TNR: variants seen among roughly 807,000 people sequenced by gnomAD.
TNR encodes tenascin R.
In TNR, 45 loss-of-function variants were observed where a neutral mutation model predicts 150.4. That is an observed-to-expected ratio of 0.30 (90% CI 0.24 to 0.38). The LOEUF (loss-of-function observed/expected upper bound fraction) is 0.38. TNR is among the 10% of genes least tolerant of loss of function. The probability of loss-of-function intolerance (pLI) is 1.00; values close to 1 mark genes in which losing one functional copy is unlikely to be tolerated. For missense variants in TNR, 1,544 were observed against 1,759.1 expected, an observed-to-expected ratio of 0.88 and a Z score of 2.19; for synonymous variants, 687 against 678.4, an observed-to-expected ratio of 1.01 and a Z score of -0.20.
chr1:175,496,660 G>A (rs1031612865), intron 2 of TNR, among the ~76,000 whole-genome samples: 1 of 152,112 alleles, frequency 6.6e-6, no homozygotes, highest in Admixed American at 6.5e-5. Flanking sequence ...CTATAAAATG[G>A]TCCTCATTTT....
chr1:175,522,383 T>C (rs1490677464), intron 2 of TNR, among the ~76,000 whole-genome samples: 2 of 152,100 alleles, frequency 1.3e-5, no homozygotes, highest in Non-Finnish European at 2.9e-5. Flanking sequence ...AATGACACAA[T>C]GGACTTTGGA....
chr1:175,674,424 C>G (rs929842127), intron 1 of TNR, among the ~76,000 whole-genome samples: 4 of 152,186 alleles, frequency 2.6e-5, no homozygotes, highest in Non-Finnish European at 4.4e-5. Flanking sequence ...TATATTTGAG[C>G]TGAAAAGCCT....
At chr1:175,528,040 A>G (rs1659916759) in intron 2 of TNR, among the ~76,000 whole-genome samples, 1 of 152,168 alleles carries the variant, frequency 6.6e-6, no homozygotes, top group Admixed American at 6.5e-5. Flanking sequence ...GCATTCAGAA[A>G]TATTTTATGA....
intron 9 of TNR, among the ~76,000 whole-genome samples, chr1:175,371,698 G>A (rs1652112994): frequency 6.6e-6 from 1 of 152,176 alleles, no homozygotes; most frequent in African/African-American, 2.4e-5. Flanking sequence ...AAGCACTACT[G>A]ATAGGGTATT....
chr1:175,730,509 G>A (rs1667609894), intron 1 of TNR, among the ~76,000 whole-genome samples: 2 of 152,168 alleles, frequency 1.3e-5, no homozygotes, highest in African/African-American at 4.8e-5. Context: ...TGAAATGACT[G>A]GCAGAGAGTA....
intron 1 of TNR, among the ~76,000 whole-genome samples, chr1:175,615,997 A>G (rs951531078): frequency 1.4e-4 from 21 of 152,364 alleles, no homozygotes; most frequent in Admixed American, 5.2e-4. Context: ...CCTAAAGTAC[A>G]TACCTAAAAT....
rs998119481 is a variant in TNR at position 175,599,295 on chromosome 1, T to C, written c.-164-70926A>G. ...CGGGTTTGCCCACCGCGAAGAGCAG[T>C]GGCGGAGACATCGCAGCAACGCTAA... On this transcript the variant is annotated intron_variant, in intron 1 of 22. Transcript: ENST00000367674. This position sits in a 1 kb window ranked among gnomAD's most constrained non-coding sequence, Gnocchi z 4.7. Among the ~76,000 whole-genome samples, 1 of 152,058 alleles carries C rather than the reference T, an allele frequency of 6.6e-6. No individual in the cohort carries two copies. The highest frequency in any genetic ancestry group is 1.5e-5 in the Non-Finnish European group (1 of 67,998).
intron 18 of TNR, among the ~76,000 whole-genome samples, chr1:175,348,491 A>C (rs1650903819): frequency 6.6e-6 from 1 of 152,214 alleles, no homozygotes; most frequent in Non-Finnish European, 1.5e-5. Flanking sequence ...AATGAAAACT[A>C]AGGAAAACTG....
intron 14 of TNR, among the ~76,000 whole-genome samples, chr1:175,361,604 G>T (rs1024641864): frequency 6.6e-6 from 1 of 152,184 alleles, no homozygotes; most frequent in East Asian, 1.9e-4. Context: ...CTGAGCTTCC[G>T]AGAACATCTA....
chr1:175,395,109 C>T (rs1263578652), intron 5 of TNR, among the ~76,000 whole-genome samples: 4 of 151,930 alleles, frequency 2.6e-5, no homozygotes, highest in Non-Finnish European at 4.4e-5. Flanking sequence ...GGCATATTAA[C>T]AGAGTCAGCA....
At chr1:175,671,560 G>T (rs1042912453) in intron 1 of TNR, among the ~76,000 whole-genome samples, 3 of 152,192 alleles carry the variant, frequency 2.0e-5, no homozygotes, top group African/African-American at 7.2e-5. Context: ...AAGGGCATAA[G>T]TTTGCTGGAT....
At position 175,369,058 on chromosome 1, in the gene TNR, G is replaced by A. The variant is rs553796055; in HGVS notation, c.1964-1761C>T. 2.1e-4 allele frequency among the ~76,000 whole-genome samples: 32 copies of A among 152,326 alleles called. 1 individual carries two copies. Among genetic ancestry groups the A allele is most frequent in the Middle Eastern group, 6.8e-3 (2 of 294 alleles). On this transcript the variant is annotated intron_variant, in intron 9 of 22. Transcript: ENST00000367674. Reference sequence around the variant, plus strand: ...GTGGTCAGTCTGAGTCCTTCCGGTAGGCTCTTTTTGGGGCTTTGTGTGGGC... The same window carrying A: ...GTGGTCAGTCTGAGTCCTTCCGGTAAGCTCTTTTTGGGGCTTTGTGTGGGC...
At chr1:175,559,482 G>C (rs1413528008) in intron 1 of TNR, among the ~76,000 whole-genome samples, 1 of 151,964 alleles carries the variant, frequency 6.6e-6, no homozygotes, top group African/African-American at 2.4e-5. Flanking sequence ...ATACTACCTA[G>C]CCCTCCCTTT....
At chr1:175,509,874 G>A (rs1659098953) in intron 2 of TNR, among the ~76,000 whole-genome samples, 1 of 152,090 alleles carries the variant, frequency 6.6e-6, no homozygotes, top group South Asian at 2.1e-4. Flanking sequence ...TTTCCAAATG[G>A]TGGAGACAGG....
At chr1:175,575,235 GC>G in intron 1 of TNR, among the ~76,000 whole-genome samples, 1 of 152,228 alleles carries the variant, frequency 6.6e-6, no homozygotes, top group Non-Finnish European at 1.5e-5. Flanking sequence ...ACTAAAATAA[GC>G]AGAGTCTGCC....
chr1:175,505,398 G>A (rs1229778425), intron 2 of TNR, among the ~76,000 whole-genome samples: 1 of 152,228 alleles, frequency 6.6e-6, no homozygotes, highest in East Asian at 1.9e-4. Flanking sequence ...CAGGGAGACC[G>A]CGCGCTAAGC....
At chr1:175,421,286 A>C (rs769239185) in intron 2 of TNR, among the ~76,000 whole-genome samples, 1 of 152,242 alleles carries the variant, frequency 6.6e-6, no homozygotes, top group Non-Finnish European at 1.5e-5. Flanking sequence ...TTTCCCTAGC[A>C]ACAACTCAAC....
chr1:175,500,045 T>C (rs1207403916), intron 2 of TNR, among the ~76,000 whole-genome samples: 2 of 152,162 alleles, frequency 1.3e-5, no homozygotes, highest in Non-Finnish European at 2.9e-5. Context: ...CATATGATGA[T>C]AATTCTTGTT....
At position 175,335,818 on chromosome 1, in the gene TNR, A is replaced by T. The variant is rs775114258; in HGVS notation, c.3535-11T>A. 1 of 1,602,716 alleles carries T rather than the reference A, an allele frequency of 6.2e-7. No homozygotes were observed. Among genetic ancestry groups the T allele is most frequent in the Non-Finnish European group, 8.5e-7 (1 of 1,176,866 alleles). On this transcript the variant is annotated splice_polypyrimidine_tract_variant and intron_variant, in intron 19 of 22. Coordinates refer to ENST00000367674, the MANE Select transcript of TNR (RefSeq NM_003285.3). ...CCGCCTCTGGAATACCTATGAAGGA[A>T]ATAAAAAAACAAAAAACAAACAAAC...
Sources: gnomAD v4.1 joint callset for allele counts (sites outside exome capture counted in the v4.1 genomes callset) on GRCh38, gnomAD v4.1.1 for gene constraint, Gnocchi (gnomAD v3.1) non-coding constraint, MANE v1.5 for transcripts, NCBI Gene and HGNC (gene_info 2026-07-23, HGNC 2026-07-21) for gene names.